The following CDH12 variants were observed in gnomAD, a reference collection of about 807,000 sequenced individuals.
The protein encoded by CDH12 is cadherin-12.
CDH12 carries 41 observed loss-of-function variants against 74.1 expected under a neutral mutation model. That is an observed-to-expected ratio of 0.55 (90% CI 0.43 to 0.72). CDH12 has a LOEUF of 0.72. CDH12 is among the 30% of genes least tolerant of loss of function. CDH12 has a pLI of 0.00. For synonymous variants in CDH12, 399 were observed against 355.0 expected, an observed-to-expected ratio of 1.12 and a Z score of -1.39; for missense variants, 945 against 977.2, an observed-to-expected ratio of 0.97 and a Z score of 0.44.
At chr5:22,629,873 T>C (rs752762212) in intron 1 of CDH12, among the ~76,000 whole-genome samples, 2 of 152,010 alleles carry the variant, frequency 1.3e-5, no homozygotes, top group Non-Finnish European at 2.9e-5. Flanking sequence ...AGTCTCTGCC[T>C]AAAAGCTCCT....
chr5:22,398,964 G>A (rs903629153), intron 3 of CDH12, among the ~76,000 whole-genome samples: 4 of 152,020 alleles, frequency 2.6e-5, no homozygotes, highest in Non-Finnish European at 5.9e-5. Context: ...GAAGGACTGA[G>A]GTATGGGCAA....
At chr5:22,275,733 A>T (rs965602511) in intron 3 of CDH12, among the ~76,000 whole-genome samples, 1 of 152,206 alleles carries the variant, frequency 6.6e-6, no homozygotes, top group Non-Finnish European at 1.5e-5. Flanking sequence ...ATCATTTTCA[A>T]TGTGTGACTT....
intron 5 of CDH12, among the ~76,000 whole-genome samples, chr5:22,028,941 C>A (rs1738594747): frequency 6.6e-6 from 1 of 152,058 alleles, no homozygotes; most frequent in Non-Finnish European, 1.5e-5. Flanking sequence ...AGAACAGAGC[C>A]CTCAGAAATA....
intron 1 of CDH12, among the ~76,000 whole-genome samples, chr5:22,726,838 C>G (rs866975151): frequency 1.3e-5 from 2 of 151,672 alleles, no homozygotes; most frequent in Admixed American, 6.6e-5. Flanking sequence ...CAAACAGGAC[C>G]TATAGTGATT....
chr5:22,353,546 A>G (rs887837511), intron 3 of CDH12, among the ~76,000 whole-genome samples: 7 of 152,166 alleles, frequency 4.6e-5, no homozygotes, highest in Admixed American at 4.6e-4. Context: ...GACATTTTTA[A>G]TTAAATAGTT....
chr5:22,781,825 A>T (rs191171488), intron 1 of CDH12, among the ~76,000 whole-genome samples: 15 of 152,288 alleles, frequency 9.8e-5, no homozygotes, highest in East Asian at 9.6e-4. Flanking sequence ...TTTTCAAGAA[A>T]ATTGTTAGAA....
chr5:21,772,729 T>C (rs1280923295), intron 11 of CDH12, among the ~76,000 whole-genome samples: 1 of 152,174 alleles, frequency 6.6e-6, no homozygotes, highest in Non-Finnish European at 1.5e-5. Flanking sequence ...TGTAAAAACA[T>C]TTTCTAATTG....
At chr5:22,647,832 A>G (rs911694595) in intron 1 of CDH12, among the ~76,000 whole-genome samples, 8 of 151,906 alleles carry the variant, frequency 5.3e-5, no homozygotes, top group Non-Finnish European at 1.2e-4. Context: ...ATATTCCATT[A>G]AAATTCACTT....
intron 1 of CDH12, among the ~76,000 whole-genome samples, chr5:22,716,765 C>T (rs890094117): frequency 6.6e-6 from 1 of 151,978 alleles, no homozygotes; most frequent in Non-Finnish European, 1.5e-5. Context: ...ATTGATGATC[C>T]TGACCCTGTG....
intron 1 of CDH12, among the ~76,000 whole-genome samples, chr5:22,619,123 AT>A (rs1221663459): frequency 4.6e-5 from 7 of 152,002 alleles, no homozygotes; most frequent in African/African-American, 1.7e-4. Context: ...TGTGAGCCCC[AT>A]TTCTAATAGT....
chr5:21,878,551 C>A (rs1195521819), intron 6 of CDH12, among the ~76,000 whole-genome samples: 2 of 128,502 alleles, frequency 1.6e-5, no homozygotes, highest in South Asian at 5.0e-4. Context: ...CAACATGGTG[C>A]AACCCTGTCT....
chr5:22,047,322 C>T (rs892604768), intron 5 of CDH12, among the ~76,000 whole-genome samples: 5 of 152,040 alleles, frequency 3.3e-5, no homozygotes, highest in African/African-American at 7.2e-5. Flanking sequence ...TATTTCTTGG[C>T]TGCAGGCTTT....
intron 10 of CDH12, 75 bp from the exon 11 acceptor site, chr5:21,783,569 A>T: frequency 9.0e-7 from 1 of 1,107,558 alleles, no homozygotes; most frequent in Non-Finnish European, 1.3e-6. Flanking sequence ...CTAACTTGAC[A>T]CAGTTCCTTA....
intron 1 of CDH12, among the ~76,000 whole-genome samples, chr5:22,840,570 T>C (rs1170377301): frequency 6.6e-6 from 1 of 151,120 alleles, no homozygotes; most frequent in Non-Finnish European, 1.5e-5. Context: ...ATATAATCTG[T>C]TTACAGATAT....
At chr5:21,827,495 T>C (rs532432258) in intron 8 of CDH12, among the ~76,000 whole-genome samples, 84 of 152,258 alleles carry the variant, frequency 5.5e-4, no homozygotes, top group African/African-American at 1.9e-3. Context: ...GAAAACTTAT[T>C]ACATCTCTTT....
intron 3 of CDH12, among the ~76,000 whole-genome samples, chr5:22,326,869 C>CTA (rs899551699): frequency 8.5e-5 from 13 of 152,050 alleles, no homozygotes; most frequent in Admixed American, 2.0e-4. Context: ...CTTATTCCAG[C>CTA]TATATATATA....
intron 3 of CDH12, among the ~76,000 whole-genome samples, chr5:22,291,284 C>A (rs1355470938): frequency 1.3e-5 from 2 of 152,038 alleles, no homozygotes; most frequent in Non-Finnish European, 2.9e-5. Context: ...AAAGTGTCTT[C>A]TCTGAGATAT....
At chr5:21,804,646 AC>A (rs1561199458) in intron 9 of CDH12, among the ~76,000 whole-genome samples, 4,228 of 91,346 alleles carry the variant, frequency 0.046, 162 homozygotes, top group African/African-American at 0.11. Flanking sequence ...GAATTAAAAC[AC>A]ACACACACAC....
At chr5:21,986,840 C>T (rs1310465958) in intron 5 of CDH12, among the ~76,000 whole-genome samples, 2 of 152,028 alleles carry the variant, frequency 1.3e-5, no homozygotes, top group East Asian at 3.9e-4. Context: ...TAGCTCTTAT[C>T]GAATATTATA....
Sources: gnomAD v4.1 joint callset for allele counts (sites outside exome capture counted in the v4.1 genomes callset) on GRCh38, gnomAD v4.1.1 for gene constraint, MANE v1.5 for transcripts, NCBI Gene and HGNC (gene_info 2026-07-23, HGNC 2026-07-21) for gene names.